Variants in PC observed in about 807,000 individuals in gnomAD.
The protein encoded by PC is pyruvate carboxylase, mitochondrial.
A neutral mutation model predicts 107.8 loss-of-function variants in PC; 46 were observed. The ratio of observed to expected loss-of-function variants is 0.43; its 90% CI spans 0.34 to 0.55. The LOEUF is 0.55. PC is among the 20% of genes least tolerant of loss of function. The probability of loss-of-function intolerance (pLI) is 0.04; values close to 1 mark genes in which losing one functional copy is unlikely to be tolerated. For synonymous variants in PC, 662 were observed against 684.7 expected, an observed-to-expected ratio of 0.97 and a Z score of 0.52; for missense variants, 1,241 against 1,643.1, an observed-to-expected ratio of 0.76 and a Z score of 4.23.
At chr11:66,859,473 C>CA (rs1946106140) in intron 12 of PC, among the ~76,000 whole-genome samples, 1 of 152,234 alleles carries the variant, frequency 6.6e-6, no homozygotes, top group Non-Finnish European at 1.5e-5. Flanking sequence ...TGCACACACC[C>CA]ATCTCCTGGC....
intron 12 of PC, 27 bp from the exon 13 acceptor site, chr11:66,853,410 G>C (rs765103173): frequency 6.2e-7 from 1 of 1,613,038 alleles, no homozygotes; most frequent in Non-Finnish European, 8.5e-7. Context: ...GGTGGGAGGG[G>C]GTCACCATGC....
At chr11:66,859,410 G>A (rs1031402302) in intron 12 of PC, among the ~76,000 whole-genome samples, 1 of 152,180 alleles carries the variant, frequency 6.6e-6, no homozygotes, top group African/African-American at 2.4e-5. Context: ...TTCTGCCTCT[G>A]CTGGTGCCAT....
intron 3 of PC, 28 bp from the exon 4 acceptor site, chr11:66,872,187 A>T (rs1306655814): frequency 6.4e-7 from 1 of 1,567,292 alleles, no homozygotes; most frequent in South Asian, 1.2e-5. Context: ...AGCCCAGGTT[A>T]GCGCAGCCTC....
chr11:66,901,969 G>A (rs546924485), intron 3 of PC, among the ~76,000 whole-genome samples: 54 of 152,220 alleles, frequency 3.5e-4, no homozygotes, highest in African/African-American at 1.3e-3. Flanking sequence ...GACACACCCC[G>A]ACATCCCGTG....
At chr11:66,923,611 G>A (rs1378215154) in intron 3 of PC, among the ~76,000 whole-genome samples, 1 of 151,816 alleles carries the variant, frequency 6.6e-6, no homozygotes, top group East Asian at 2.0e-4. Flanking sequence ...CCTCCCAGAT[G>A]CAAGTGATTC....
intron 3 of PC, among the ~76,000 whole-genome samples, chr11:66,899,115 C>T (rs1485402265): frequency 6.6e-6 from 1 of 152,152 alleles, no homozygotes; most frequent in Non-Finnish European, 1.5e-5. Context: ...AGTGATCCAC[C>T]TGCCTTGGCC....
intron 3 of PC, among the ~76,000 whole-genome samples, chr11:66,881,328 G>A (rs955452094): frequency 6.6e-6 from 1 of 152,250 alleles, no homozygotes; most frequent in Non-Finnish European, 1.5e-5. Flanking sequence ...CACTTGGGAC[G>A]TGTAAATAAC....
chr11:66,860,393 G>A (rs1178250797), intron 12 of PC: 1 of 781,750 alleles, frequency 1.3e-6, no homozygotes, highest in Admixed American at 2.0e-5. Flanking sequence ...TCCAACAGGT[G>A]CTCACAGCCA....
chr11:66,890,879 G>C (rs547128352), intron 3 of PC, among the ~76,000 whole-genome samples: 1 of 152,018 alleles, frequency 6.6e-6, no homozygotes, highest in Non-Finnish European at 1.5e-5. Flanking sequence ...GAAGCTGGGC[G>C]ACAGGTACAT....
At position 66,877,461 on chromosome 11, in the gene PC, G is replaced by A. The variant is rs142943888; in HGVS notation, c.1-5302C>T. On this transcript the variant is annotated intron_variant, in intron 3 of 22. Coordinates refer to ENST00000393960, the MANE Select transcript of PC (RefSeq NM_001040716.2). ...TCCCAACACTTTGGGAGGCCAGGGCGGGTGCATCACGAGGTCAGGAGATGG... is the reference window on the plus strand; with the variant it reads ...TCCCAACACTTTGGGAGGCCAGGGCAGGTGCATCACGAGGTCAGGAGATGG... 2.5e-3 allele frequency among the ~76,000 whole-genome samples: 385 copies of A among 152,284 alleles called. 2 individuals carry two copies. The highest frequency in any genetic ancestry group is 8.7e-3 in the African/African-American group (361 of 41,538).
intron 12 of PC, among the ~76,000 whole-genome samples, chr11:66,862,524 C>T (rs944037773): frequency 6.6e-6 from 1 of 152,196 alleles, no homozygotes; most frequent in South Asian, 2.1e-4. Context: ...GCAGAGGGGC[C>T]GGTGCCAGTG....
chr11:66,858,433 G>C lies in PC; in HGVS notation c.1369-5050C>G. Reference sequence around the variant, plus strand: ...GCCTCTCCCGCCCCCCTGGTGCTGAGCTTTAGCGGGAACCCCCTGCACTGC... The same window carrying C: ...GCCTCTCCCGCCCCCCTGGTGCTGACCTTTAGCGGGAACCCCCTGCACTGC... On this transcript the variant is annotated intron_variant, in intron 12 of 22. Transcript: ENST00000393960. This position sits in a 1 kb window ranked among gnomAD's most constrained non-coding sequence, Gnocchi z 5.9. 6.4e-7 allele frequency: 1 copy of C among 1,552,980 alleles called. No individual in the cohort carries two copies. Among genetic ancestry groups the C allele is most frequent in the Non-Finnish European group, 8.7e-7 (1 of 1,155,458 alleles).
At chr11:66,914,152 G>A (rs1321397197) in intron 3 of PC, among the ~76,000 whole-genome samples, 2 of 152,106 alleles carry the variant, frequency 1.3e-5, no homozygotes, top group African/African-American at 4.8e-5. Context: ...GGTCTGTTTT[G>A]ATTTTTACAA....
intron 3 of PC, among the ~76,000 whole-genome samples, chr11:66,924,126 C>T (rs1948657780): frequency 6.7e-6 from 1 of 149,786 alleles, no homozygotes; most frequent in South Asian, 2.1e-4. Context: ...CGCTTGAACC[C>T]AGGAGGCAGA....
intron 3 of PC, among the ~76,000 whole-genome samples, chr11:66,884,042 C>A (rs1947274924): frequency 6.6e-6 from 1 of 152,102 alleles, no homozygotes; most frequent in South Asian, 2.1e-4. Flanking sequence ...GTTGGGAGTT[C>A]AAGACCAGCC....
At chr11:66,898,835 C>T (rs2136035874) in intron 3 of PC, among the ~76,000 whole-genome samples, 1 of 152,300 alleles carries the variant, frequency 6.6e-6, no homozygotes, top group African/African-American at 2.4e-5. Context: ...CTCATCTACT[C>T]TCAGTCTCTA....
intron 3 of PC, among the ~76,000 whole-genome samples, chr11:66,895,439 G>A (rs1051977152): frequency 1.3e-5 from 2 of 152,192 alleles, no homozygotes; most frequent in Non-Finnish European, 2.9e-5. Flanking sequence ...CCAAAGGAAA[G>A]AGCAGAGAAA....
chr11:66,851,011 A>G, intron 17 of PC, 29 bp downstream of exon 17: 3 of 1,611,142 alleles, frequency 1.9e-6, no homozygotes, highest in Non-Finnish European at 2.5e-6. Context: ...CGGGGCAGAG[A>G]GGGAGGGACG....
At chr11:66,873,467 A>G (rs1366205299) in intron 3 of PC, among the ~76,000 whole-genome samples, 1 of 82,420 alleles carries the variant, frequency 1.2e-5, no homozygotes, top group Non-Finnish European at 2.2e-5. Context: ...TATATATTAT[A>G]TATAATATAA....
Sources: gnomAD v4.1 joint callset for allele counts (sites outside exome capture counted in the v4.1 genomes callset) on GRCh38, gnomAD v4.1.1 for gene constraint, Gnocchi (gnomAD v3.1) non-coding constraint, MANE v1.5 for transcripts, NCBI Gene and HGNC (gene_info 2026-07-23, HGNC 2026-07-21) for gene names.